The following DNAJC1 variants were observed in gnomAD, a reference collection of about 807,000 sequenced individuals.
DNAJC1 encodes the protein DnaJ heat shock protein family (Hsp40) member C1, also known as dnaJ homolog subfamily C member 1.
A neutral mutation model predicts 76.6 loss-of-function variants in DNAJC1; 58 were observed. The ratio of observed to expected loss-of-function variants is 0.76; its 90% CI spans 0.61 to 0.94. The LOEUF (loss-of-function observed/expected upper bound fraction) is 0.94. Ranked by LOEUF, DNAJC1 falls within the 40% of genes least tolerant of loss-of-function variation. The pLI is 0.00. For synonymous variants in DNAJC1, 258 were observed against 267.9 expected, an observed-to-expected ratio of 0.96 and a Z score of 0.36; for missense variants, 689 against 677.3, an observed-to-expected ratio of 1.02 and a Z score of -0.19.
chr10:21,894,511 C>T (rs1303280599), intron 7 of DNAJC1, among the ~76,000 whole-genome samples: 1 of 152,102 alleles, frequency 6.6e-6, no homozygotes, highest in Non-Finnish European at 1.5e-5. Flanking sequence ...GTGTAGATTG[C>T]AGTGAGCCAA....
At chr10:21,856,008 T>C (rs2131693756) in intron 8 of DNAJC1, among the ~76,000 whole-genome samples, 1 of 152,304 alleles carries the variant, frequency 6.6e-6, no homozygotes, top group African/African-American at 2.4e-5. Flanking sequence ...ATTCTCTAGA[T>C]ACAGCAAAAT....
chr10:21,945,461 A>G (rs547547109), intron 1 of DNAJC1, among the ~76,000 whole-genome samples: 2 of 152,306 alleles, frequency 1.3e-5, no homozygotes, highest in South Asian at 2.1e-4. Flanking sequence ...AATATAGGTG[A>G]CAGATAGCAG....
intron 6 of DNAJC1, among the ~76,000 whole-genome samples, chr10:21,912,643 A>G (rs890856733): frequency 2.0e-5 from 3 of 152,128 alleles, no homozygotes; most frequent in Admixed American, 6.5e-5. Flanking sequence ...AAAGTTTTAA[A>G]AAGTTTTAGA....
chr10:21,922,338 A>G (rs1590050340), intron 3 of DNAJC1, among the ~76,000 whole-genome samples: 1 of 152,068 alleles, frequency 6.6e-6, no homozygotes. Context: ...AATATATTTT[A>G]TTAGCAAATC....
At chr10:21,895,864 C>A (rs1283420166) in intron 7 of DNAJC1, among the ~76,000 whole-genome samples, 2 of 152,160 alleles carry the variant, frequency 1.3e-5, no homozygotes, top group Non-Finnish European at 2.9e-5. Context: ...GGGCTTGTTG[C>A]TCAGGATGTC....
chr10:22,002,545 G>A (rs1182088451), intron 1 of DNAJC1, among the ~76,000 whole-genome samples: 1 of 152,126 alleles, frequency 6.6e-6, no homozygotes, highest in Non-Finnish European at 1.5e-5. Flanking sequence ...CAAGTCCTTT[G>A]CTGCTCAAAA....
At chr10:21,932,911 G>A (rs915893551) in intron 1 of DNAJC1, among the ~76,000 whole-genome samples, 1 of 152,160 alleles carries the variant, frequency 6.6e-6, no homozygotes. Flanking sequence ...ACAGGCAAAT[G>A]TATTAGCCAG....
At chr10:21,916,681 A>G (rs1249288385) in intron 6 of DNAJC1, among the ~76,000 whole-genome samples, 2 of 152,174 alleles carry the variant, frequency 1.3e-5, no homozygotes, top group African/African-American at 2.4e-5. Context: ...TGTAAATTTC[A>G]TAAATATCGT....
At chr10:21,758,406 G>C (rs899938324) in intron 11 of DNAJC1, among the ~76,000 whole-genome samples, 2 of 152,196 alleles carry the variant, frequency 1.3e-5, no homozygotes, top group African/African-American at 4.8e-5. Flanking sequence ...CTCATGGCCA[G>C]ATCACAGGAA....
At chr10:21,762,321 T>C (rs1213781184) in intron 10 of DNAJC1, among the ~76,000 whole-genome samples, 1 of 152,182 alleles carries the variant, frequency 6.6e-6, no homozygotes, top group Non-Finnish European at 1.5e-5. Context: ...ACATGAAACA[T>C]TCTAATGAAA....
chr10:21,831,810 G>C (rs1460966835), intron 8 of DNAJC1, among the ~76,000 whole-genome samples: 1 of 133,296 alleles, frequency 7.5e-6, no homozygotes, highest in Non-Finnish European at 1.6e-5. Context: ...AAAAAAAAAT[G>C]CTTAATCCTT....
intron 8 of DNAJC1, among the ~76,000 whole-genome samples, chr10:21,836,686 T>C (rs1032707098): frequency 1.3e-5 from 2 of 152,104 alleles, no homozygotes; most frequent in African/African-American, 4.8e-5. Flanking sequence ...TCCTAGTCTC[T>C]GATAAAACAG....
At chr10:21,917,550 A>G (rs781074355) in intron 6 of DNAJC1, among the ~76,000 whole-genome samples, 1 of 152,010 alleles carries the variant, frequency 6.6e-6, no homozygotes, top group Non-Finnish European at 1.5e-5. Flanking sequence ...CCCTAAAAAT[A>G]TTTTCTGCCT....
chr10:21,794,166 A>G (rs1834725340), intron 9 of DNAJC1, among the ~76,000 whole-genome samples: 2 of 150,366 alleles, frequency 1.3e-5, no homozygotes, highest in South Asian at 4.3e-4. Flanking sequence ...GCTATTTGAG[A>G]GGCTGAGGTG....
chr10:21,828,228 G>C (rs1835294636), intron 8 of DNAJC1, among the ~76,000 whole-genome samples: 2 of 152,204 alleles, frequency 1.3e-5, no homozygotes, highest in African/African-American at 4.8e-5. Flanking sequence ...GGGTCTGCTA[G>C]AGTAGTGCAG....
At chr10:21,796,005 T>G (rs933979419) in intron 9 of DNAJC1, among the ~76,000 whole-genome samples, 5 of 150,630 alleles carry the variant, frequency 3.3e-5, no homozygotes, top group Non-Finnish European at 7.4e-5. Context: ...AGTCTCACTC[T>G]GTTGCCCAGG....
At chr10:21,867,891 G>A (rs1836031661) in intron 8 of DNAJC1, among the ~76,000 whole-genome samples, 1 of 151,642 alleles carries the variant, frequency 6.6e-6, no homozygotes, top group Admixed American at 6.6e-5. Context: ...GGCCAACATG[G>A]TGAAACCCTG....
intron 9 of DNAJC1, among the ~76,000 whole-genome samples, chr10:21,804,460 C>A (rs554735312): frequency 6.6e-6 from 1 of 151,794 alleles, no homozygotes; most frequent in Non-Finnish European, 1.5e-5. Flanking sequence ...GGTCATAGTA[C>A]TTAAAACATC....
intron 8 of DNAJC1, among the ~76,000 whole-genome samples, chr10:21,835,912 G>A (rs886533547): frequency 1.5e-4 from 23 of 152,284 alleles, no homozygotes; most frequent in African/African-American, 1.9e-4. Context: ...GCAGGATACT[G>A]TCCAGGAGAA....
Sources: allele counts gnomAD v4.1 joint callset (sites outside exome capture counted in the v4.1 genomes callset), GRCh38; gene constraint gnomAD v4.1.1; transcripts MANE v1.5; gene names NCBI Gene and HGNC (gene_info 2026-07-23, HGNC 2026-07-21).